The following QKI variants were observed in gnomAD, a reference collection of about 807,000 sequenced individuals.
QKI encodes QKI, KH domain containing RNA binding.
QKI carries 10 observed loss-of-function variants against 39.0 expected under a neutral mutation model. The ratio of observed to expected loss-of-function variants is 0.26; its 90% CI spans 0.16 to 0.43. The LOEUF is 0.43. Among genes scored for constraint, QKI ranks in the 20% least tolerant of loss-of-function variants. The pLI is 1.00. For missense variants in QKI, 218 were observed against 428.0 expected (o/e 0.51, Z 4.33); for synonymous variants, 204 against 155.4 (o/e 1.31, Z -2.33).
intron 2 of QKI, among the ~76,000 whole-genome samples, chr6:163,465,279 C>T (rs942824609): frequency 2.0e-5 from 3 of 152,052 alleles, no homozygotes; most frequent in Non-Finnish European, 4.4e-5. Flanking sequence ...GAAGAAGACC[C>T]TTGCTACTTC....
chr6:163,542,480 T>A (rs540424653), intron 4 of QKI, among the ~76,000 whole-genome samples: 1 of 152,138 alleles, frequency 6.6e-6, no homozygotes, highest in East Asian at 1.9e-4. Flanking sequence ...TCCCACAGTT[T>A]TAATAGGAAG....
At chr6:163,529,044 A>G (rs1343340609) in intron 3 of QKI, among the ~76,000 whole-genome samples, 1 of 152,192 alleles carries the variant, frequency 6.6e-6, no homozygotes, top group African/African-American at 2.4e-5. Context: ...TTGAGGTTTT[A>G]GAGTAAAAGA....
At chr6:163,488,266 A>G (rs1327923024) in intron 3 of QKI, among the ~76,000 whole-genome samples, 1 of 152,094 alleles carries the variant, frequency 6.6e-6, no homozygotes, top group Non-Finnish European at 1.5e-5. Context: ...CACTCTTGTG[A>G]GAATTCTTCC....
chr6:163,432,652 C>T (rs984926391), intron 1 of QKI, among the ~76,000 whole-genome samples: 1 of 152,090 alleles, frequency 6.6e-6, no homozygotes, highest in Non-Finnish European at 1.5e-5. Context: ...CCTCCTGTGT[C>T]AGGTGTCAGC....
intron 1 of QKI, among the ~76,000 whole-genome samples, chr6:163,448,391 A>G (rs1163230782): frequency 6.9e-6 from 1 of 145,870 alleles, no homozygotes; most frequent in Non-Finnish European, 1.5e-5. Context: ...ATTAAATCAG[A>G]TTTATTTGGT....
chr6:163,432,096 G>T (rs970407585), intron 1 of QKI, among the ~76,000 whole-genome samples: 1 of 152,136 alleles, frequency 6.6e-6, no homozygotes, highest in Admixed American at 6.5e-5. Flanking sequence ...ACTGATAATT[G>T]TGTAATGTGG....
At chr6:163,490,063 ATTC>A (rs1777958061) in intron 3 of QKI, among the ~76,000 whole-genome samples, 1 of 152,188 alleles carries the variant, frequency 6.6e-6, no homozygotes, top group Non-Finnish European at 1.5e-5. Flanking sequence ...TACAAATTGT[ATTC>A]TTATCAACTT....
chr6:163,464,644 CAG>C (rs1418911768), intron 2 of QKI, among the ~76,000 whole-genome samples: 5 of 152,078 alleles, frequency 3.3e-5, no homozygotes, highest in Non-Finnish European at 7.4e-5. Flanking sequence ...CATGAAGGAA[CAG>C]AAAGTCTGAA....
chr6:163,552,995 G>T (rs1441075650), intron 4 of QKI, among the ~76,000 whole-genome samples: 1 of 149,382 alleles, frequency 6.7e-6, no homozygotes, highest in East Asian at 1.9e-4. Context: ...TTGCCTCTCT[G>T]TCCCACCTCT....
intron 6 of QKI, chr6:163,566,047 G>T: frequency 1.3e-6 from 2 of 1,576,256 alleles, no homozygotes; most frequent in African/African-American, 1.4e-5. Flanking sequence ...AGCCTCCGGG[G>T]GAAAAAAGCT....
chr6:163,540,117 T>G (rs889896584), intron 4 of QKI, among the ~76,000 whole-genome samples: 1 of 152,008 alleles, frequency 6.6e-6, no homozygotes, highest in African/African-American at 2.4e-5. Flanking sequence ...TCTTTTTTTT[T>G]GGAAAGATAG....
intron 1 of QKI, among the ~76,000 whole-genome samples, chr6:163,435,725 G>A (rs185700501): frequency 5.7e-4 from 86 of 151,934 alleles, no homozygotes; most frequent in African/African-American, 2.0e-3. Context: ...GTCATATGCC[G>A]TGTATTTCAT....
chr6:163,551,846 A>G (rs985074231), intron 4 of QKI, among the ~76,000 whole-genome samples: 3 of 152,216 alleles, frequency 2.0e-5, no homozygotes, highest in Admixed American at 6.5e-5. Context: ...ATTTAATCAC[A>G]TATCTTCATG....
intron 4 of QKI, among the ~76,000 whole-genome samples, chr6:163,552,076 T>C (rs1040200563): frequency 6.6e-6 from 1 of 152,178 alleles, no homozygotes; most frequent in Non-Finnish European, 1.5e-5. Flanking sequence ...TTGTATGTTA[T>C]GTATATTATA....
intron 4 of QKI, among the ~76,000 whole-genome samples, chr6:163,556,833 C>CTAAAG (rs1332712728): frequency 2.6e-5 from 4 of 152,096 alleles, no homozygotes; most frequent in African/African-American, 9.7e-5. Flanking sequence ...CAGGTTTTAG[C>CTAAAG]TATTAGCAGG....
intron 4 of QKI, among the ~76,000 whole-genome samples, chr6:163,538,320 AAAAT>A (rs764676586): frequency 6.6e-6 from 1 of 152,348 alleles, no homozygotes; most frequent in African/African-American, 2.4e-5. Flanking sequence ...GCTGCGAAGA[AAAAT>A]AAAGCAGAAT....
At chr6:163,471,142 G>A (rs1792153630) in intron 2 of QKI, among the ~76,000 whole-genome samples, 1 of 152,084 alleles carries the variant, frequency 6.6e-6, no homozygotes, top group African/African-American at 2.4e-5. Flanking sequence ...AAAGCAGCTA[G>A]AAGAGAGAAA....
At chr6:163,439,025 TC>T (rs1387114915) in intron 1 of QKI, among the ~76,000 whole-genome samples, 8 of 152,098 alleles carry the variant, frequency 5.3e-5, no homozygotes, top group Admixed American at 1.3e-4. Context: ...TACTTCTGAG[TC>T]CTTTTTGTTG....
chr6:163,527,484 G>A (rs938647907), intron 3 of QKI, among the ~76,000 whole-genome samples: 1 of 152,156 alleles, frequency 6.6e-6, no homozygotes, highest in Admixed American at 6.5e-5. Context: ...GAGCACAGTA[G>A]GAGCAGAAGT....
Sources: gnomAD v4.1 joint callset for allele counts (sites outside exome capture counted in the v4.1 genomes callset) on GRCh38, gnomAD v4.1.1 for gene constraint, MANE v1.5 for transcripts, NCBI Gene and HGNC (gene_info 2026-07-23, HGNC 2026-07-21) for gene names.